DNAH8: variants seen among roughly 807,000 people sequenced by gnomAD.
DNAH8 encodes dynein axonemal heavy chain 8, also known as axonemal beta dynein heavy chain 8.
Under a neutral mutation model 562.1 loss-of-function variants are expected in DNAH8, and 382 were observed. That is an observed-to-expected ratio of 0.68 (90% CI 0.63 to 0.74). The LOEUF (loss-of-function observed/expected upper bound fraction) is 0.74. DNAH8 is among the 30% of genes least tolerant of loss of function. The pLI, the probability that DNAH8 is intolerant of heterozygous loss-of-function variation, is 0.00. For missense variants in DNAH8, 5,203 were observed against 5,620.4 expected, an observed-to-expected ratio of 0.93 and a Z score of 2.37; for synonymous variants, 1,881 against 1,919.4, an observed-to-expected ratio of 0.98 and a Z score of 0.52.
At chr6:38,968,841 C>T (rs557778785) in intron 82 of DNAH8, among the ~76,000 whole-genome samples, 5 of 152,210 alleles carry the variant, frequency 3.3e-5, no homozygotes, top group South Asian at 4.2e-4. Context: ...TGTGAATGCT[C>T]ATAGCAGCAT....
chr6:39,022,855 A>G (rs1343530659), intron 91 of DNAH8, among the ~76,000 whole-genome samples: 1 of 152,242 alleles, frequency 6.6e-6, no homozygotes, highest in Non-Finnish European at 1.5e-5. Flanking sequence ...GAATCGGCAG[A>G]TTAAGCATTT....
At position 38,723,144 on chromosome 6, in the gene DNAH8, A is replaced by C; in HGVS notation, c.335A>C (p.Tyr112Ser). ...CCGTCTTCCCGGAGGTCCTCCAGAT[A>C]CCGCCGGAGTATGAGTGGCCTTCCC... ...SLPSSRRSSR[Y>S]RRSMSGLPNL... is the part of the protein sequence containing the mutation. Residue 112 changes from tyrosine to serine, a missense_variant, in exon 2 of 93, where the codon TAC becomes TCC. This residue lies in a region of DNAH8 where 556 missense variants were observed against 496.9 expected (regional missense o/e 1.12). Coordinates refer to ENST00000327475, the MANE Select transcript of DNAH8 (RefSeq NM_001206927.2). 6.2e-7 allele frequency: 1 copy of C among 1,612,684 alleles called. No homozygotes were observed. The highest frequency in any genetic ancestry group is 2.2e-5 in the East Asian group (1 of 44,876).
At chr6:39,027,825 CAAAT>C (rs1264299735) in intron 92 of DNAH8, among the ~76,000 whole-genome samples, 2 of 151,938 alleles carry the variant, frequency 1.3e-5, no homozygotes, top group South Asian at 2.1e-4. Flanking sequence ...GACTCTGTCT[CAAAT>C]AAATAAATAA....
At chr6:38,741,951 T>G (rs765533185) in intron 8 of DNAH8, 64 bp downstream of exon 8, 8 of 1,394,032 alleles carry the variant, frequency 5.7e-6, no homozygotes, top group Non-Finnish European at 7.9e-6. Flanking sequence ...ATTATCCTAT[T>G]GAACTACTTC....
chr6:38,906,849 G>T (rs1002677256), intron 63 of DNAH8, among the ~76,000 whole-genome samples: 1 of 152,050 alleles, frequency 6.6e-6, no homozygotes, highest in Non-Finnish European at 1.5e-5. Flanking sequence ...AGCATATACA[G>T]GTCGAGCTTC....
chr6:38,848,600 T>G, intron 36 of DNAH8, 48 bp from the exon 37 acceptor site: 1 of 1,498,134 alleles, frequency 6.7e-7, no homozygotes, highest in Non-Finnish European at 9.2e-7. Flanking sequence ...GCCATACTAT[T>G]TTCTGAATCT....
At chr6:38,883,766 C>G in intron 55 of DNAH8, 110 bp from the exon 56 acceptor site, 2 of 879,838 alleles carry the variant, frequency 2.3e-6, no homozygotes, top group Non-Finnish European at 3.2e-6. Flanking sequence ...TATATGTATA[C>G]TTATTAAATG....
In DNAH8 at chr6:38,741,845, T is replaced by TGTC. The variant is rs760732716; in HGVS notation, c.1252_1254dup (p.Val418dup). The TGTC allele has an allele frequency of 1.2e-6, 2 of 1,613,966 alleles. No individual in the cohort carries two copies. The highest frequency in any genetic ancestry group is 1.7e-6 in the Non-Finnish European group (2 of 1,179,950). On this transcript the variant is annotated inframe_insertion, in exon 8 of 93. Transcript: ENST00000327475. ...AGATTAAAGGGCCAAGTTGTAAGGC[T>TGTC]GTCATAAATGTGCTAAATGTTGCAC... is the stretch of plus-strand genomic sequence containing the variant.
At chr6:38,819,859 G>A (rs556609202) in intron 26 of DNAH8, among the ~76,000 whole-genome samples, 1 of 152,170 alleles carries the variant, frequency 6.6e-6, no homozygotes, top group African/African-American at 2.4e-5. Context: ...TAGAAACACA[G>A]ATTTTTTTTA....
intron 87 of DNAH8, among the ~76,000 whole-genome samples, chr6:38,986,192 G>A (rs1764384963): frequency 6.6e-6 from 1 of 152,210 alleles, no homozygotes; most frequent in African/African-American, 2.4e-5. Flanking sequence ...GTAGTGGGAA[G>A]TTGAAGGCAA....
chr6:38,917,848 T>C, intron 69 of DNAH8, 77 bp from the exon 70 acceptor site: 2 of 1,124,226 alleles, frequency 1.8e-6, no homozygotes, highest in Non-Finnish European at 2.5e-6. Context: ...TTGAGAAAAT[T>C]CAATTTAGAA....
intron 42 of DNAH8, among the ~76,000 whole-genome samples, chr6:38,858,875 G>A (rs1311349911): frequency 6.6e-6 from 1 of 152,152 alleles, no homozygotes; most frequent in African/African-American, 2.4e-5. Flanking sequence ...GCATACGTTT[G>A]AGGATGTTGT....
intron 78 of DNAH8, 34 bp from the exon 79 acceptor site, chr6:38,938,764 C>T (rs1561889250): frequency 4.7e-6 from 7 of 1,498,118 alleles, no homozygotes; most frequent in East Asian, 2.3e-5. Flanking sequence ...AAGAAATTGC[C>T]CTTTGCTTCT....
intron 7 of DNAH8, among the ~76,000 whole-genome samples, chr6:38,739,015 T>C (rs1582871068): frequency 1.3e-5 from 2 of 152,348 alleles, no homozygotes; most frequent in African/African-American, 4.8e-5. Context: ...AGGTTGAGCA[T>C]ATTTAATGGC....
chr6:38,924,879 G>T (rs1237991469), intron 73 of DNAH8: 1 of 152,128 alleles, frequency 6.6e-6, no homozygotes, highest in African/African-American at 2.4e-5. Flanking sequence ...ATGTTCTGGT[G>T]ACCCTAAGTA....
rs1469293863 is a variant in DNAH8 at position 39,012,611 on chromosome 6, G to T, written c.13688G>T (p.Trp4563Leu). 2.5e-6 allele frequency: 4 copies of T among 1,613,878 alleles called. No homozygotes were observed. The East Asian group carries it at 8.9e-5, about 36-fold the overall frequency. The change falls in exon 91 of 93, where the codon TGG (tryptophan) becomes TTG (leucine). Residue 4563 changes from tryptophan to leucine, a missense_variant. Around this residue, in one of 6 missense-constraint regions of DNAH8, gnomAD observed 1,399 missense variants for 1,518.4 expected, o/e 0.92. Transcript: ENST00000327475. ...WIFEGRPNVF[W>L]MTGFFNPQGF... ...TTTGAAGGGAGGCCTAATGTGTTTT[G>T]GATGACTGGTTTCTTTAATCCCCAA...
At chr6:38,940,020 A>G (rs1301008579) in intron 79 of DNAH8, among the ~76,000 whole-genome samples, 4 of 152,118 alleles carry the variant, frequency 2.6e-5, no homozygotes, top group Admixed American at 6.5e-5. Context: ...TAAACTGGTG[A>G]CATACTGTGG....
chr6:38,851,914 T>C (rs1342858075), intron 39 of DNAH8, among the ~76,000 whole-genome samples: 1 of 152,196 alleles, frequency 6.6e-6, no homozygotes, highest in African/African-American at 2.4e-5. Flanking sequence ...GCAGGCTTCC[T>C]AATTTCCCCA....
At chr6:38,865,304 A>T (rs1461791105) in intron 45 of DNAH8, among the ~76,000 whole-genome samples, 1 of 152,220 alleles carries the variant, frequency 6.6e-6, no homozygotes, top group African/African-American at 2.4e-5. Context: ...GTTAGGGGGA[A>T]ATAAGAATAA....
Sources: gnomAD v4.1 joint callset for allele counts (sites outside exome capture counted in the v4.1 genomes callset) on GRCh38, gnomAD v4.1.1 for gene constraint, gnomAD v4.1.1 regional missense constraint, MANE v1.5 for transcripts, NCBI Gene and HGNC (gene_info 2026-07-23, HGNC 2026-07-21) for gene names.